Variants in CNTN5 observed in about 807,000 individuals in gnomAD.
CNTN5 encodes the protein contactin-5.
In CNTN5, 77 loss-of-function variants were observed where a neutral mutation model predicts 129.1. The ratio of observed to expected loss-of-function variants is 0.60; its 90% confidence interval spans 0.50 to 0.72. The LOEUF (loss-of-function observed/expected upper bound fraction) is 0.72. CNTN5 is among the 30% of genes least tolerant of loss of function. The pLI, the probability that CNTN5 is intolerant of heterozygous loss-of-function variation, is 0.00. For synonymous variants in CNTN5, 509 were observed against 465.6 expected, an observed-to-expected ratio of 1.09 and a Z score of -1.20; for missense variants, 1,478 against 1,328.8, an observed-to-expected ratio of 1.11 and a Z score of -1.75.
chr11:99,277,614 A>G (rs766857816), intron 1 of CNTN5, among the ~76,000 whole-genome samples: 4 of 151,582 alleles, frequency 2.6e-5, no homozygotes, highest in African/African-American at 4.8e-5. Flanking sequence ...TTATCCTCTC[A>G]TTTCAAATAT....
intron 3 of CNTN5, among the ~76,000 whole-genome samples, chr11:99,736,371 G>A (rs150512558): frequency 6.6e-6 from 1 of 152,264 alleles, no homozygotes; most frequent in East Asian, 1.9e-4. Context: ...TAGGCCTGGG[G>A]CAATGAGGGC....
intron 16 of CNTN5, among the ~76,000 whole-genome samples, chr11:100,240,800 G>A (rs1394497532): frequency 2.6e-5 from 4 of 152,152 alleles, no homozygotes; most frequent in Non-Finnish European, 4.4e-5. Context: ...GTCTTAAAGA[G>A]AATGACTTTA....
intron 3 of CNTN5, among the ~76,000 whole-genome samples, chr11:99,580,717 C>T (rs1949550466): frequency 1.3e-5 from 2 of 150,908 alleles, no homozygotes; most frequent in East Asian, 2.0e-4. Context: ...TGATTCTTCT[C>T]TCTTTTCTTC....
At chr11:99,811,109 T>C (rs1946416150) in intron 3 of CNTN5, among the ~76,000 whole-genome samples, 1 of 152,096 alleles carries the variant, frequency 6.6e-6, no homozygotes, top group South Asian at 2.1e-4. Flanking sequence ...TCATGACTTG[T>C]GGGTGTTGCT....
intron 18 of CNTN5, among the ~76,000 whole-genome samples, chr11:100,285,265 G>T (rs912189840): frequency 6.6e-6 from 1 of 152,150 alleles, no homozygotes; most frequent in African/African-American, 2.4e-5. Flanking sequence ...TGTTGATACA[G>T]TAAGAACCCT....
rs10790978 is a variant in CNTN5 at position 99,819,555 on chromosome 11, T to C, written c.67T>C (p.Ser23Pro). Residue 23 changes from serine (S) to proline (P), a missense_variant, in exon 4 of 25, where the codon TCT becomes CCT. By Grantham distance (74) the Ser-to-Pro change is moderately conservative. Transcript: ENST00000524871. Reference sequence around the variant, plus strand: ...TTTTTCTCTTACAGAGTATTCAAAATCTCTTCCTGGTCTCTCCACTTCATA... The same window carrying C: ...TTTTTCTCTTACAGAGTATTCAAAACCTCTTCCTGGTCTCTCCACTTCATA... ...VTMCLSEYSK[S>P]LPGLSTSYAA... The C allele has an allele frequency of 4.4e-6, 7 of 1,597,888 alleles. No individual in the cohort carries two copies. The East Asian group carries it at 1.6e-4, about 36-fold the overall frequency.
chr11:99,503,985 T>G (rs1401149925), intron 2 of CNTN5, among the ~76,000 whole-genome samples: 1 of 152,200 alleles, frequency 6.6e-6, no homozygotes, highest in Non-Finnish European at 1.5e-5. Flanking sequence ...TACTTTTTAA[T>G]ATTCATTTTT....
At chr11:99,315,515 A>C (rs1157498747) in intron 1 of CNTN5, among the ~76,000 whole-genome samples, 6 of 149,814 alleles carry the variant, frequency 4.0e-5, no homozygotes, top group Admixed American at 1.3e-4. Context: ...CTTCTGAGTC[A>C]TCAACAGAAC....
chr11:99,618,418 T>C (rs10893605), intron 3 of CNTN5, among the ~76,000 whole-genome samples: 25,341 of 152,162 alleles, frequency 0.17, 2,242 homozygotes, highest in Non-Finnish European at 0.2. Context: ...AGTATATTGA[T>C]TCATCACTTG....
intron 1 of CNTN5, among the ~76,000 whole-genome samples, chr11:99,077,254 T>C (rs1033026060): frequency 6.6e-6 from 1 of 152,236 alleles, no homozygotes; most frequent in African/African-American, 2.4e-5. Flanking sequence ...AGTTAAGTGA[T>C]ATATTGTTCC....
chr11:99,414,367 G>A (rs749319340), intron 2 of CNTN5, among the ~76,000 whole-genome samples: 13 of 152,014 alleles, frequency 8.6e-5, no homozygotes, highest in Non-Finnish European at 1.8e-4. Flanking sequence ...GTGCACACAT[G>A]GATATTTAAT....
chr11:99,189,694 A>G (rs1858532871), intron 1 of CNTN5, among the ~76,000 whole-genome samples: 1 of 151,672 alleles, frequency 6.6e-6, no homozygotes, highest in South Asian at 2.1e-4. Flanking sequence ...ATTTTTTCAT[A>G]TACAGGTTGA....
chr11:99,062,432 G>T (rs1268391930), intron 1 of CNTN5, among the ~76,000 whole-genome samples: 1 of 152,076 alleles, frequency 6.6e-6, no homozygotes, highest in Admixed American at 6.6e-5. Flanking sequence ...TTCTGACAGA[G>T]AACTTAAGCA....
At chr11:99,119,431 G>T (rs1858198624) in intron 1 of CNTN5, among the ~76,000 whole-genome samples, 1 of 152,054 alleles carries the variant, frequency 6.6e-6, no homozygotes, top group Non-Finnish European at 1.5e-5. Context: ...AAGGATAATG[G>T]CCTCCAGCTC....
chr11:100,263,120 C>T (rs1950237378), intron 17 of CNTN5, among the ~76,000 whole-genome samples: 1 of 152,106 alleles, frequency 6.6e-6, no homozygotes, highest in Non-Finnish European at 1.5e-5. Flanking sequence ...TAAAATCACA[C>T]TTACTGGATA....
rs570280577 is a variant in CNTN5, at chr11:99,203,215, C to T, written c.-209-122131C>T. On this transcript the variant is annotated intron_variant, in intron 1 of 24. Transcript: ENST00000524871. ...GTAAGGACACTGAGGCTCACAGAGACCCATTGGAGAGACCGTGCCTGCTTA... is the reference window on the plus strand; with the variant it reads ...GTAAGGACACTGAGGCTCACAGAGATCCATTGGAGAGACCGTGCCTGCTTA... 3.3e-5 allele frequency among the ~76,000 whole-genome samples: 5 copies of T among 152,240 alleles called. No homozygotes were observed. In the South Asian group the frequency reaches 1.0e-3, roughly 32 times the overall value.
chr11:99,725,364 T>C (rs1464641293), intron 3 of CNTN5, among the ~76,000 whole-genome samples: 1 of 152,042 alleles, frequency 6.6e-6, no homozygotes, highest in Admixed American at 6.6e-5. Context: ...TTTCAAAGTA[T>C]CTCTATGAAG....
At chr11:99,391,045 C>T (rs1037757072) in intron 2 of CNTN5, among the ~76,000 whole-genome samples, 5 of 151,886 alleles carry the variant, frequency 3.3e-5, no homozygotes, top group Admixed American at 6.6e-5. Context: ...CAACTTAATT[C>T]AACCAAAGTA....
At chr11:99,896,058 T>A (rs972447757) in intron 6 of CNTN5, among the ~76,000 whole-genome samples, 2 of 152,132 alleles carry the variant, frequency 1.3e-5, no homozygotes, top group Admixed American at 1.3e-4. Flanking sequence ...AGTGCATAAC[T>A]CCCAGAGGTA....
Sources: gnomAD v4.1 joint callset for allele counts (sites outside exome capture counted in the v4.1 genomes callset) on GRCh38, gnomAD v4.1.1 for gene constraint, MANE v1.5 for transcripts, NCBI Gene and HGNC (gene_info 2026-07-23, HGNC 2026-07-21) for gene names.